Variants in ANO10 observed in about 807,000 individuals in gnomAD.
The protein encoded by ANO10 is anoctamin-10.
ANO10 carries 77 observed loss-of-function variants against 74.7 expected under a neutral mutation model. The ratio of observed to expected loss-of-function variants is 1.03; its 90% confidence interval spans 0.86 to 1.25. The LOEUF is 1.25. ANO10 is among the 50% of genes most tolerant of loss of function. The pLI, the probability that ANO10 is intolerant of heterozygous loss-of-function variation, is 0.00. For missense variants in ANO10, 721 were observed against 778.1 expected, an observed-to-expected ratio of 0.93 and a Z score of 0.87; for synonymous variants, 279 against 284.9, an observed-to-expected ratio of 0.98 and a Z score of 0.21.
intron 1 of ANO10, among the ~76,000 whole-genome samples, chr3:43,629,798 T>C (rs1483253097): frequency 3.3e-5 from 5 of 152,222 alleles, no homozygotes; most frequent in Non-Finnish European, 5.9e-5. Context: ...ATGGATATTC[T>C]TGGGTTTGAG....
intron 12 of ANO10, among the ~76,000 whole-genome samples, chr3:43,374,644 T>C (rs1296796080): frequency 6.6e-6 from 1 of 152,204 alleles, no homozygotes; most frequent in South Asian, 2.1e-4. Context: ...TTCTAATCCA[T>C]GAGATCTTGC....
intron 11 of ANO10, among the ~76,000 whole-genome samples, chr3:43,542,279 T>C (rs1479557302): frequency 1.3e-5 from 2 of 151,914 alleles, no homozygotes; most frequent in Non-Finnish European, 2.9e-5. Flanking sequence ...AATCAGCAAG[T>C]CTTGATGAGG....
At chr3:43,548,677 AG>A (rs1356563784) in intron 11 of ANO10, among the ~76,000 whole-genome samples, 1 of 152,242 alleles carries the variant, frequency 6.6e-6, no homozygotes, top group African/African-American at 2.4e-5. Context: ...GATCCTCCTA[AG>A]TTCTGCTTTT....
At chr3:43,536,458 G>A (rs1450046700) in intron 11 of ANO10, among the ~76,000 whole-genome samples, 1 of 152,178 alleles carries the variant, frequency 6.6e-6, no homozygotes, top group Non-Finnish European at 1.5e-5. Flanking sequence ...TTGAAAGAGT[G>A]TTAAAACATA....
chr3:43,638,650 A>C (rs190342745), intron 1 of ANO10: 2 of 152,298 alleles, frequency 1.3e-5, no homozygotes, highest in African/African-American at 4.8e-5. Context: ...GATTCCCAGC[A>C]CTCACTGGGT....
intron 11 of ANO10, among the ~76,000 whole-genome samples, chr3:43,492,587 CAAGA>C (rs2076765174): frequency 6.6e-6 from 1 of 152,050 alleles, no homozygotes; most frequent in African/African-American, 2.4e-5. Context: ...CTTAAATTTA[CAAGA>C]AAAAGGCAAA....
intron 12 of ANO10, among the ~76,000 whole-genome samples, chr3:43,412,246 C>T (rs1004067239): frequency 1.3e-5 from 2 of 151,984 alleles, no homozygotes; most frequent in Admixed American, 6.6e-5. Context: ...GCTTGGTACC[C>T]CTTAACCACC....
chr3:43,561,360 T>C lies in ANO10; in HGVS notation c.1336A>G (p.Ile446Val), dbSNP rs1269589174. The C allele has an allele frequency of 6.2e-7, 1 of 1,614,000 alleles. No individual in the cohort carries two copies. Among genetic ancestry groups the C allele is most frequent in the Non-Finnish European group, 8.5e-7 (1 of 1,180,006 alleles). ...CAATAAGGAAGAAAAGATTCCATAA[T>C]TTGGTTGAGGATCTGGGAGGTAATT... ...LLITSQILNQ[I>V]MESFLPYWLQ... The change falls in exon 9 of 13, where the codon ATT (isoleucine) becomes GTT (valine). Residue 446 changes from isoleucine (I) to valine (V), a missense_variant. Coordinates refer to ENST00000292246, the MANE Select transcript of ANO10 (RefSeq NM_018075.5).
intron 12 of ANO10, among the ~76,000 whole-genome samples, chr3:43,371,314 C>T (rs2091602865): frequency 6.6e-6 from 1 of 152,172 alleles, no homozygotes; most frequent in Non-Finnish European, 1.5e-5. Context: ...GGCTGGGATA[C>T]AGCCAGGCTG....
In ANO10 at chr3:43,605,714, C is replaced by T. The variant is rs1366535388; in HGVS notation, c.139G>A (p.Gly47Ser). The stretch of plus-strand genomic sequence containing the variant: ...TCTGAGCAGTGACTATTTTACTCAC[C>T]TCCATCTTTTTTTTTAGCTATAATT... ...NRIIAKKKDGGAQLLFRPLLN... is the reference protein window; with the variant it reads ...NRIIAKKKDGSAQLLFRPLLN... Residue 47 changes from glycine to serine, a missense_variant and splice_region_variant, in exon 2 of 13, where the codon GGT becomes AGT. Physicochemically the swap from Gly to Ser is moderately conservative, Grantham distance 56. Coordinates refer to ENST00000292246, the MANE Select transcript of ANO10 (RefSeq NM_018075.5). The T allele has an allele frequency of 1.2e-6, 2 of 1,613,346 alleles. No homozygotes were observed. The highest frequency in any genetic ancestry group is 2.7e-5 in the African/African-American group (2 of 74,858).
At chr3:43,438,716 C>T (rs2093113641) in intron 11 of ANO10, among the ~76,000 whole-genome samples, 1 of 151,418 alleles carries the variant, frequency 6.6e-6, no homozygotes, top group South Asian at 2.1e-4. Context: ...CACTGCAATC[C>T]AGCCTGGGCA....
chr3:43,541,042 CAAG>C (rs997758794), intron 11 of ANO10, among the ~76,000 whole-genome samples: 1 of 151,906 alleles, frequency 6.6e-6, no homozygotes, highest in African/African-American at 2.4e-5. Context: ...ATAAAGGAAA[CAAG>C]AGGAGGAAGA....
intron 11 of ANO10, among the ~76,000 whole-genome samples, chr3:43,533,654 T>G (rs1331414974): frequency 6.6e-6 from 1 of 152,232 alleles, no homozygotes; most frequent in Non-Finnish European, 1.5e-5. Context: ...TCATAAGCAG[T>G]TCTTGCTTTT....
In ANO10 at chr3:43,365,914, G is replaced by C. The variant is rs577968562; in HGVS notation, c.*992C>G. On this transcript the variant is annotated 3_prime_UTR_variant, in exon 13 of 13. Coordinates refer to ENST00000292246, the MANE Select transcript of ANO10 (RefSeq NM_018075.5). ...GGTCTGTAGTGTCTTGGCTACAGCAGGACGGCCAGCGCTGGTGGGAAGGGC... is the reference window on the plus strand; with the variant it reads ...GGTCTGTAGTGTCTTGGCTACAGCACGACGGCCAGCGCTGGTGGGAAGGGC... The C allele has an allele frequency of 6.6e-6, 1 of 152,580 alleles. No homozygotes were observed. The highest frequency in any genetic ancestry group is 1.9e-4 in the East Asian group (1 of 5,200). 9.5% of individuals were successfully genotyped at this position (152,580 alleles called of 1,614,324 possible). A position where few individuals can be genotyped will look rare whatever the true frequency, so the allele number is the denominator to read the frequency against.
intron 12 of ANO10, among the ~76,000 whole-genome samples, chr3:43,376,895 A>G (rs1283861834): frequency 1.3e-5 from 2 of 152,138 alleles, no homozygotes; most frequent in Non-Finnish European, 2.9e-5. Context: ...GAGCTGTTTC[A>G]GATGCCAGCG....
At chr3:43,388,070 T>C (rs1298653787) in intron 12 of ANO10, among the ~76,000 whole-genome samples, 2 of 152,196 alleles carry the variant, frequency 1.3e-5, no homozygotes, top group African/African-American at 4.8e-5. Context: ...TAAATTACTT[T>C]TTCACAAACA....
intron 11 of ANO10, among the ~76,000 whole-genome samples, chr3:43,484,444 A>T (rs1185954124): frequency 3.3e-5 from 5 of 152,226 alleles, no homozygotes; most frequent in Non-Finnish European, 7.3e-5. Flanking sequence ...TAATGGAGAT[A>T]TCTCTACAGA....
At chr3:43,619,301 C>T (rs182246658) in intron 1 of ANO10, among the ~76,000 whole-genome samples, 125 of 152,176 alleles carry the variant, frequency 8.2e-4, no homozygotes, top group African/African-American at 2.6e-3. Context: ...GGACATATGA[C>T]GACTAAATAC....
chr3:43,380,360 T>G (rs2091925121), intron 12 of ANO10, among the ~76,000 whole-genome samples: 1 of 152,160 alleles, frequency 6.6e-6, no homozygotes, highest in East Asian at 1.9e-4. Context: ...ACAAAAAGAT[T>G]ATCACTTAGG....
Sources: allele counts gnomAD v4.1 joint callset (sites outside exome capture counted in the v4.1 genomes callset), GRCh38; gene constraint gnomAD v4.1.1; transcripts MANE v1.5; gene names NCBI Gene and HGNC (gene_info 2026-07-23, HGNC 2026-07-21).